Variants in CTNNA2 observed in about 807,000 individuals in gnomAD.
The protein encoded by CTNNA2 is catenin alpha 2.
Under a neutral mutation model 101.0 loss-of-function variants are expected in CTNNA2, and 42 were observed. That is an observed-to-expected ratio of 0.42 (90% CI 0.32 to 0.54). CTNNA2 has a LOEUF of 0.54. Among genes scored for constraint, CTNNA2 ranks in the 20% least tolerant of loss-of-function variants. The probability of loss-of-function intolerance (pLI) is 0.14; values close to 1 mark genes in which losing one functional copy is unlikely to be tolerated. For missense variants in CTNNA2, 871 were observed against 1,223.1 expected, an observed-to-expected ratio of 0.71 and a Z score of 4.29; for synonymous variants, 450 against 456.4, an observed-to-expected ratio of 0.99 and a Z score of 0.18.
intron 1 of CTNNA2, among the ~76,000 whole-genome samples, chr2:79,625,292 T>A (rs1047054336): frequency 6.6e-6 from 1 of 152,148 alleles, no homozygotes; most frequent in Non-Finnish European, 1.5e-5. Flanking sequence ...AATGGTGATA[T>A]GATAATTGCT....
At chr2:79,243,463 C>T (rs1405561372) in intron 2 of CTNNA2, among the ~76,000 whole-genome samples, 1 of 152,182 alleles carries the variant, frequency 6.6e-6, no homozygotes, top group African/African-American at 2.4e-5. Flanking sequence ...AATGTTTCCT[C>T]CTTTCGCCCC....
intron 3 of CTNNA2, among the ~76,000 whole-genome samples, chr2:79,356,643 A>G (rs543496990): frequency 3.7e-4 from 57 of 152,188 alleles, no homozygotes; most frequent in Non-Finnish European, 7.3e-4. Flanking sequence ...AATACAACCC[A>G]ACGTCTAGTT....
At chr2:79,217,015 C>T (rs185803665) in intron 2 of CTNNA2, among the ~76,000 whole-genome samples, 3 of 152,100 alleles carry the variant, frequency 2.0e-5, no homozygotes, top group African/African-American at 7.2e-5. Context: ...ATGGATAAAA[C>T]GTGTCTCCTT....
chr2:79,930,322 A>AAG (rs1216983512), intron 7 of CTNNA2, among the ~76,000 whole-genome samples: 1 of 144,610 alleles, frequency 6.9e-6, no homozygotes, highest in African/African-American at 2.6e-5. Context: ...GAAAGAAAGA[A>AAG]AGAAAGAAAG....
intron 9 of CTNNA2, among the ~76,000 whole-genome samples, chr2:80,487,008 G>A (rs1308237702): frequency 6.6e-6 from 1 of 152,084 alleles, no homozygotes; most frequent in East Asian, 1.9e-4. Context: ...AACTTGGGCC[G>A]AGCGTGGTGG....
intron 18 of CTNNA2, among the ~76,000 whole-genome samples, chr2:80,627,093 T>C (rs1301013587): frequency 6.6e-6 from 1 of 152,210 alleles, no homozygotes; most frequent in Non-Finnish European, 1.5e-5. Flanking sequence ...ATGTGCCACA[T>C]TTTCTTAACC....
intron 7 of CTNNA2, among the ~76,000 whole-genome samples, chr2:79,988,468 G>A (rs1354194509): frequency 7.1e-5 from 2 of 28,286 alleles, no homozygotes; most frequent in Non-Finnish European, 3.2e-4. Flanking sequence ...GTATGTGTAT[G>A]TGTGTGTGTG....
At chr2:80,563,406 A>G (rs538758542) in intron 12 of CTNNA2, among the ~76,000 whole-genome samples, 6 of 152,358 alleles carry the variant, frequency 3.9e-5, no homozygotes, top group African/African-American at 1.4e-4. Flanking sequence ...TCCTTGGAGT[A>G]TTCCAGAAAT....
chr2:79,712,019 TA>T (rs1389493871), intron 2 of CTNNA2, among the ~76,000 whole-genome samples: 1 of 152,014 alleles, frequency 6.6e-6, no homozygotes, highest in African/African-American at 2.4e-5. Context: ...AACTACAGGA[TA>T]AAAAGAAAGA....
At chr2:80,606,478 A>G (rs1027271708) in intron 16 of CTNNA2, among the ~76,000 whole-genome samples, 1 of 151,584 alleles carries the variant, frequency 6.6e-6, no homozygotes, top group African/African-American at 2.4e-5. Flanking sequence ...TTTCACAGTG[A>G]CTCAAAATAA....
intron 5 of CTNNA2, among the ~76,000 whole-genome samples, chr2:79,507,195 G>A (rs903631253): frequency 1.1e-4 from 17 of 152,158 alleles, no homozygotes; most frequent in Admixed American, 3.3e-4. Context: ...AAACTATCAC[G>A]AAAGTCTCTT....
At chr2:80,570,157 T>G (rs1558598887) in intron 12 of CTNNA2, among the ~76,000 whole-genome samples, 1 of 152,158 alleles carries the variant, frequency 6.6e-6, no homozygotes, top group African/African-American at 2.4e-5. Flanking sequence ...CAAGCGATTC[T>G]CATGCCTCAG....
intron 9 of CTNNA2, among the ~76,000 whole-genome samples, chr2:80,533,896 A>G (rs1002452551): frequency 1.3e-5 from 2 of 152,192 alleles, no homozygotes; most frequent in Non-Finnish European, 2.9e-5. Context: ...TCCTTTTCAC[A>G]TAACCACACA....
chr2:79,879,706 G>A (rs575401570), intron 6 of CTNNA2, among the ~76,000 whole-genome samples: 33 of 151,884 alleles, frequency 2.2e-4, no homozygotes, highest in Non-Finnish European at 3.8e-4. Flanking sequence ...TATCAGTTTA[G>A]GGAGTTTCTG....
rs1316098011 is a variant in CTNNA2 at position 80,302,920 on chromosome 2, G to A, written c.1057-90291G>A. 1.3e-5 allele frequency: 21 copies of A among 1,614,124 alleles called. No individual in the cohort carries two copies. The highest frequency in any genetic ancestry group is 1.7e-5 in the Non-Finnish European group (20 of 1,180,026). On this transcript the variant is annotated intron_variant, in intron 7 of 18. Coordinates refer to ENST00000402739, the MANE Select transcript of CTNNA2 (RefSeq NM_001282597.3). This position sits in a 1 kb window ranked among gnomAD's most constrained non-coding sequence, Gnocchi z 6.4. ...TGCTTGTCAGGGACTTCCAAGAGTT[G>A]AGGATCCGGGGCTCGATGTAGGTGA...
chr2:80,364,281 C>A (rs1268543419), intron 7 of CTNNA2, among the ~76,000 whole-genome samples: 1 of 151,976 alleles, frequency 6.6e-6, no homozygotes, highest in African/African-American at 2.4e-5. Flanking sequence ...CTTTTGAAGG[C>A]GTGTTTTTAT....
intron 4 of CTNNA2, among the ~76,000 whole-genome samples, chr2:79,423,839 G>A (rs951550535): frequency 3.3e-5 from 5 of 152,012 alleles, no homozygotes; most frequent in Admixed American, 2.6e-4. Flanking sequence ...CGGACTAATC[G>A]GGACGCTTGT....
intron 3 of CTNNA2, among the ~76,000 whole-genome samples, chr2:79,814,630 C>CACACAT (rs1677331250): frequency 6.8e-6 from 1 of 146,400 alleles, no homozygotes; most frequent in East Asian, 2.0e-4. Context: ...CACACACACA[C>CACACAT]ACACACACAT....
intron 18 of CTNNA2, among the ~76,000 whole-genome samples, chr2:80,645,667 G>A (rs1222267306): frequency 6.6e-6 from 1 of 151,220 alleles, no homozygotes; most frequent in Non-Finnish European, 1.5e-5. Flanking sequence ...ACTAGGCTTT[G>A]AGAATCACCC....
Sources: allele counts gnomAD v4.1 joint callset (sites outside exome capture counted in the v4.1 genomes callset), GRCh38; gene constraint gnomAD v4.1.1; non-coding constraint Gnocchi (gnomAD v3.1); transcripts MANE v1.5; gene names NCBI Gene and HGNC (gene_info 2026-07-23, HGNC 2026-07-21).